LDLRAD4: variants seen among roughly 807,000 people sequenced by gnomAD.
LDLRAD4 encodes low density lipoprotein receptor class A domain containing 4.
Under a neutral mutation model 17.0 loss-of-function variants are expected in LDLRAD4, and 5 were observed. The ratio of observed to expected loss-of-function variants is 0.29; its 90% CI spans 0.15 to 0.62. The LOEUF (loss-of-function observed/expected upper bound fraction) is 0.62, where lower values mean the gene tolerates loss of function less well. Ranked by LOEUF, LDLRAD4 falls within the 20% of genes least tolerant of loss-of-function variation. The pLI is 0.84. For missense variants in LDLRAD4, 340 were observed against 424.7 expected, an observed-to-expected ratio of 0.80 and a Z score of 1.75; for synonymous variants, 168 against 171.8, an observed-to-expected ratio of 0.98 and a Z score of 0.17.
chr18:13,393,854 C>T (rs570531829), intron 2 of LDLRAD4, among the ~76,000 whole-genome samples: 2 of 152,292 alleles, frequency 1.3e-5, no homozygotes, highest in South Asian at 2.1e-4. Context: ...ACCCATCAAT[C>T]ATTTGTGCAG....
chr18:13,449,867 A>G (rs1199440641), intron 3 of LDLRAD4, among the ~76,000 whole-genome samples: 1 of 152,136 alleles, frequency 6.6e-6, no homozygotes, highest in East Asian at 1.9e-4. Flanking sequence ...GGGTTTGGGC[A>G]GGTGGTGGGT....
At chr18:13,620,971 AGTC>A in intron 3 of LDLRAD4, 143 bp from the exon 5 acceptor site, 1 of 1,131,794 alleles carries the variant, frequency 8.8e-7, no homozygotes, top group South Asian at 1.4e-5. Flanking sequence ...AAAGTGGGAC[AGTC>A]GTTTCTGTGT....
At chr18:13,329,736 AT>A (rs2081743292) in intron 1 of LDLRAD4, among the ~76,000 whole-genome samples, 1 of 152,218 alleles carries the variant, frequency 6.6e-6, no homozygotes, top group African/African-American at 2.4e-5. Flanking sequence ...AATGTTACCA[AT>A]TCCAATATCA....
intron 2 of LDLRAD4, chr18:13,427,498 C>A (rs1192947753): frequency 2.0e-5 from 3 of 152,580 alleles, no homozygotes; most frequent in Non-Finnish European, 4.4e-5. Context: ...GAAATCAGCA[C>A]TCACACCCAG....
intron 3 of LDLRAD4, among the ~76,000 whole-genome samples, chr18:13,482,682 T>G (rs2093122558): frequency 6.6e-6 from 1 of 151,870 alleles, no homozygotes. Context: ...AGGAGATGAG[T>G]GGACTCAAGA....
chr18:13,594,297 T>C lies in LDLRAD4; in HGVS notation c.182-26820T>C, dbSNP rs551045512. 9.9e-5 allele frequency among the ~76,000 whole-genome samples: 15 copies of C among 152,252 alleles called. No individual in the cohort carries two copies. In the East Asian group the frequency reaches 2.9e-3, roughly 29 times the overall value. Reference sequence around the variant, plus strand: ...TCTCAGCTGCCACTGTCTGCCACTGTAGGGATTCCACTGTGGGTTCAACTT... The same window carrying C: ...TCTCAGCTGCCACTGTCTGCCACTGCAGGGATTCCACTGTGGGTTCAACTT... On this transcript the variant is annotated intron_variant, in intron 3 of 5. Coordinates refer to ENST00000359446, the Ensembl canonical transcript of LDLRAD4.
intron 4 of LDLRAD4, among the ~76,000 whole-genome samples, chr18:13,627,545 T>C (rs923203683): frequency 2.0e-5 from 3 of 152,214 alleles, no homozygotes; most frequent in African/African-American, 7.2e-5. Flanking sequence ...AAGACCAAGA[T>C]AGACTGAGAG....
intron 2 of LDLRAD4, among the ~76,000 whole-genome samples, chr18:13,416,735 G>A (rs944188789): frequency 6.6e-6 from 1 of 152,040 alleles, no homozygotes; most frequent in African/African-American, 2.4e-5. Context: ...TAAAAGCTAT[G>A]CTCTATGCAA....
intron 3 of LDLRAD4, among the ~76,000 whole-genome samples, chr18:13,589,750 A>G (rs2094985415): frequency 6.6e-6 from 1 of 152,228 alleles, no homozygotes; most frequent in African/African-American, 2.4e-5. Context: ...AAAGGAGAGA[A>G]GCAGCTCAGA....
At chr18:13,439,120 C>T (rs1022598326) in intron 3 of LDLRAD4, among the ~76,000 whole-genome samples, 1 of 152,052 alleles carries the variant, frequency 6.6e-6, no homozygotes, top group Non-Finnish European at 1.5e-5. Context: ...GCCGACCCTC[C>T]TCACACGGCC....
At chr18:13,443,144 T>C (rs2091143230) in intron 3 of LDLRAD4, among the ~76,000 whole-genome samples, 1 of 152,218 alleles carries the variant, frequency 6.6e-6, no homozygotes, top group Non-Finnish European at 1.5e-5. Context: ...TTTCCTCCCA[T>C]TGCCATTTAG....
intron 4 of LDLRAD4, among the ~76,000 whole-genome samples, chr18:13,633,437 T>C (rs2041841418): frequency 6.6e-6 from 1 of 152,192 alleles, no homozygotes; most frequent in Non-Finnish European, 1.5e-5. Flanking sequence ...CTGCCATCAG[T>C]CATGTACACG....
intron 3 of LDLRAD4, among the ~76,000 whole-genome samples, chr18:13,524,710 A>G (rs926452376): frequency 6.6e-6 from 1 of 152,240 alleles, no homozygotes. Flanking sequence ...CAACCAGATC[A>G]TATGGAATGA....
chr18:13,592,115 C>T (rs1006410253), intron 3 of LDLRAD4, among the ~76,000 whole-genome samples: 5 of 152,124 alleles, frequency 3.3e-5, no homozygotes, highest in African/African-American at 1.2e-4. Context: ...GGTTTGTTCC[C>T]AATACAGAAT....
intron 3 of LDLRAD4, among the ~76,000 whole-genome samples, chr18:13,556,020 G>C (rs1433404952): frequency 6.6e-6 from 1 of 152,134 alleles, no homozygotes; most frequent in African/African-American, 2.4e-5. Flanking sequence ...GGTAGTTTTG[G>C]AATGCATTCC....
At chr18:13,310,996 C>A (rs574084797) in intron 1 of LDLRAD4, among the ~76,000 whole-genome samples, 2 of 152,274 alleles carry the variant, frequency 1.3e-5, no homozygotes, top group South Asian at 4.1e-4. Flanking sequence ...CACAGAGTCT[C>A]AGCTCCCTCC....
At chr18:13,374,393 G>C (rs1385057843) in intron 1 of LDLRAD4, among the ~76,000 whole-genome samples, 1 of 152,372 alleles carries the variant, frequency 6.6e-6, no homozygotes, top group East Asian at 1.9e-4. Flanking sequence ...GAAGGTTCTA[G>C]AGCCAAAGAA....
intron 3 of LDLRAD4, among the ~76,000 whole-genome samples, chr18:13,442,837 G>A (rs535220848): frequency 7.2e-5 from 11 of 152,208 alleles, no homozygotes; most frequent in East Asian, 3.9e-4. Context: ...ACAGACCCCC[G>A]AAGCCAGCGC....
intron 1 of LDLRAD4, among the ~76,000 whole-genome samples, chr18:13,323,620 A>C (rs2143443715): frequency 6.6e-6 from 1 of 152,366 alleles, no homozygotes; most frequent in South Asian, 2.1e-4. Flanking sequence ...TTAATGTAAT[A>C]TTAAAAGTAT....
Sources: allele counts gnomAD v4.1 joint callset (sites outside exome capture counted in the v4.1 genomes callset), GRCh38; gene constraint gnomAD v4.1.1; transcripts MANE v1.5; gene names NCBI Gene and HGNC (gene_info 2026-07-23, HGNC 2026-07-21).